Variants in RAPGEF6 observed in about 807,000 individuals in gnomAD.
The protein encoded by RAPGEF6 is PDZ domain containing guanine nucleotide exchange factor (GEF) 2.
In RAPGEF6, 56 loss-of-function variants were observed where a neutral mutation model predicts 171.4. The ratio of observed to expected loss-of-function variants is 0.33; its 90% CI spans 0.26 to 0.41. RAPGEF6 has a LOEUF of 0.41. Ranked by LOEUF, RAPGEF6 falls within the 10% of genes least tolerant of loss-of-function variation. The probability of loss-of-function intolerance (pLI) is 1.00; values close to 1 mark genes in which losing one functional copy is unlikely to be tolerated. For synonymous variants in RAPGEF6, 692 were observed against 650.1 expected, an observed-to-expected ratio of 1.06 and a Z score of -0.98; for missense variants, 1,674 against 1,921.4, an observed-to-expected ratio of 0.87 and a Z score of 2.41.
rs146662149 is a variant in RAPGEF6 at position 131,610,036 on chromosome 5, T to C, written c.70-5343A>G. ...ACGCTGTAATAACCTTATAAAGGCA[T>C]AGCTGAACTTTCAGCTTAAAGGCAA... On this transcript the variant is annotated intron_variant, in intron 1 of 27. Coordinates refer to ENST00000509018, the MANE Select transcript of RAPGEF6 (RefSeq NM_016340.6). Among the ~76,000 whole-genome samples the C allele has an allele frequency of 4.4e-3, 672 of 152,324 alleles. 8 individuals are homozygous for C. The highest frequency in any genetic ancestry group is 0.015 in the African/African-American group (635 of 41,582).
intron 9 of RAPGEF6, among the ~76,000 whole-genome samples, chr5:131,507,176 T>A (rs1490041967): frequency 1.5e-4 from 8 of 53,682 alleles, no homozygotes; most frequent in Middle Eastern, 0.01. Flanking sequence ...TAATATTATA[T>A]ATTATATATA....
At chr5:131,436,811 T>C (rs540914981) in intron 24 of RAPGEF6, among the ~76,000 whole-genome samples, 1 of 152,200 alleles carries the variant, frequency 6.6e-6, no homozygotes, top group Non-Finnish European at 1.5e-5. Context: ...AAATAGTACA[T>C]ACAATAGGTA....
At chr5:131,572,330 A>G (rs1199934243) in intron 4 of RAPGEF6, among the ~76,000 whole-genome samples, 1 of 152,136 alleles carries the variant, frequency 6.6e-6, no homozygotes, top group African/African-American at 2.4e-5. Context: ...ACACTCGGGT[A>G]AGCGGTTTTT....
chr5:131,490,324 A>G (rs577647256), intron 14 of RAPGEF6, among the ~76,000 whole-genome samples: 27 of 152,210 alleles, frequency 1.8e-4, no homozygotes, highest in Non-Finnish European at 2.9e-4. Flanking sequence ...CAACATAAAA[A>G]TTTCTAAAGG....
intron 11 of RAPGEF6, among the ~76,000 whole-genome samples, chr5:131,499,560 G>A (rs1001606661): frequency 1.2e-4 from 13 of 111,210 alleles, no homozygotes; most frequent in Non-Finnish European, 1.7e-4. Flanking sequence ...CAGCTGGGGC[G>A]ACAAGAGCGA....
intron 24 of RAPGEF6, 73 bp from the exon 25 acceptor site, chr5:131,433,731 G>GA (rs11326479): frequency 0.043 from 32,800 of 756,948 alleles, 3 homozygotes; most frequent in South Asian, 0.068. Context: ...GGGAAAGGAT[G>GA]AAAAAAAAAA....
chr5:131,531,241 T>C (rs545638446), intron 6 of RAPGEF6, among the ~76,000 whole-genome samples: 1 of 152,320 alleles, frequency 6.6e-6, no homozygotes, highest in African/African-American at 2.4e-5. Context: ...AGTGCCTCTA[T>C]TGTGCCTGTC....
At chr5:131,541,884 G>A (rs1024056571) in intron 6 of RAPGEF6, among the ~76,000 whole-genome samples, 3 of 152,282 alleles carry the variant, frequency 2.0e-5, no homozygotes, top group Admixed American at 6.5e-5. Context: ...ACTACTATCA[G>A]ATAGGCCTAC....
At chr5:131,551,754 A>C (rs1760940242) in intron 5 of RAPGEF6, among the ~76,000 whole-genome samples, 2 of 152,306 alleles carry the variant, frequency 1.3e-5, no homozygotes, top group South Asian at 4.1e-4. Flanking sequence ...AAATAAATTT[A>C]AGAAAAGGCT....
intron 5 of RAPGEF6, among the ~76,000 whole-genome samples, chr5:131,561,660 C>CAAAAAAAAAAAAAAAAAAAA: frequency 2.2e-5 from 2 of 90,906 alleles, no homozygotes; most frequent in Non-Finnish European, 4.5e-5. Flanking sequence ...AACTCTGTCT[C>CAAAAAAAAAAAAAAAAAAAA]AAAAAAAAAA....
At chr5:131,479,444 C>T in intron 16 of RAPGEF6, 69 bp downstream of exon 16, 3 of 1,561,640 alleles carry the variant, frequency 1.9e-6, no homozygotes, top group South Asian at 1.2e-5. Flanking sequence ...CCAAGCCTCC[C>T]CCCACCCCAA....
chr5:131,439,129 C>T (rs560182435), intron 24 of RAPGEF6, among the ~76,000 whole-genome samples: 1 of 152,130 alleles, frequency 6.6e-6, no homozygotes, highest in East Asian at 1.9e-4. Context: ...GTTGCCCTGG[C>T]TGGTCTCCAA....
chr5:131,632,480 C>T (rs1392752328), intron 1 of RAPGEF6, among the ~76,000 whole-genome samples: 1 of 152,202 alleles, frequency 6.6e-6, no homozygotes, highest in African/African-American at 2.4e-5. Flanking sequence ...ATCCCTCTTA[C>T]TCTGCTCTTT....
intron 23 of RAPGEF6, among the ~76,000 whole-genome samples, chr5:131,441,617 A>G (rs138464859): frequency 6.6e-6 from 1 of 152,226 alleles, no homozygotes; most frequent in Non-Finnish European, 1.5e-5. Flanking sequence ...CATAAGAAGA[A>G]GACACATTAT....
rs183564145 is a variant in RAPGEF6, at chr5:131,603,534, C to T, written c.141-207G>A. Among the ~76,000 whole-genome samples the T allele has an allele frequency of 2.6e-4, 40 of 151,966 alleles. No individual in the cohort carries two copies. In the East Asian group the frequency reaches 3.3e-3, roughly 12 times the overall value. On this transcript the variant is annotated intron_variant, in intron 2 of 27. Transcript: ENST00000509018. ...CAATAATATAGGTAATATTCAGTGG[C>T]ATCAACCTTAATACTCTTTATGTAC... is the stretch of plus-strand genomic sequence containing the variant.
intron 24 of RAPGEF6, chr5:131,435,816 G>A (rs550302951): frequency 7.2e-7 from 1 of 1,391,464 alleles, no homozygotes; most frequent in African/African-American, 1.5e-5. Flanking sequence ...ATGTACAAAT[G>A]AGGCATTTTC....
At chr5:131,463,826 T>C (rs1418568969) in intron 18 of RAPGEF6, 1 of 1,213,256 alleles carries the variant, frequency 8.2e-7, no homozygotes, top group African/African-American at 1.5e-5. Context: ...ATTTGTATCA[T>C]TCAGCTTCCT....
At chr5:131,560,435 A>G (rs961680080) in intron 5 of RAPGEF6, among the ~76,000 whole-genome samples, 5 of 152,226 alleles carry the variant, frequency 3.3e-5, no homozygotes, top group African/African-American at 1.2e-4. Context: ...AAAGTATGTA[A>G]AACAAGCACT....
At position 131,446,642 on chromosome 5, in the gene RAPGEF6, T is replaced by C. The variant is rs1752717148; in HGVS notation, c.3262A>G (p.Lys1088Glu). Residue 1088 changes from lysine (K) to glutamate (E), a missense_variant, in exon 22 of 28, where the codon AAA becomes GAA. This residue lies in a region of RAPGEF6 where 1,116 missense variants were observed against 1,321.5 expected (regional missense o/e 0.84). Transcript: ENST00000509018. The stretch of plus-strand genomic sequence containing the variant: ...AGCAGAGAGCTGCGGCGTGCCCTTT[T>C]TTTGTGAGCACCTCCCTGAACATCC... ...MLDVQGGAHKKRARRSSLLNA... is the reference protein window; with the variant it reads ...MLDVQGGAHKERARRSSLLNA... 2 of 1,614,242 alleles carry C rather than the reference T, an allele frequency of 1.2e-6. No homozygotes were observed. The highest frequency in any genetic ancestry group is 1.7e-6 in the Non-Finnish European group (2 of 1,180,022).
Sources: allele counts gnomAD v4.1 joint callset (sites outside exome capture counted in the v4.1 genomes callset), GRCh38; gene constraint gnomAD v4.1.1; regional missense constraint gnomAD v4.1.1; transcripts MANE v1.5; gene names NCBI Gene and HGNC (gene_info 2026-07-23, HGNC 2026-07-21).